Variants in CHRM5 observed in about 807,000 individuals in gnomAD.
CHRM5 encodes cholinergic receptor muscarinic 5, also known as muscarinic acetylcholine receptor M5.
In CHRM5, 18 loss-of-function variants were observed where a neutral mutation model predicts 39.0. The observed-to-expected ratio is 0.46, with a 90% CI of 0.32 to 0.68. CHRM5 has a LOEUF of 0.68. CHRM5 is among the 30% of genes least tolerant of loss of function. The pLI is 0.04. For synonymous variants in CHRM5, 241 were observed against 246.3 expected, an observed-to-expected ratio of 0.98 and a Z score of 0.20; for missense variants, 515 against 651.1, an observed-to-expected ratio of 0.79 and a Z score of 2.28.
rs1899699054 is a variant in CHRM5 at position 34,046,720 on chromosome 15, G to C, written c.-227G>C. 6.6e-6 allele frequency: 1 copy of C among 152,240 alleles called. No homozygotes were observed. Among genetic ancestry groups the C allele is most frequent in the African/African-American group, 2.4e-5 (1 of 41,462 alleles). 9.4% of individuals were successfully genotyped at this position (152,240 alleles called of 1,614,324 possible). On this transcript the variant is annotated 5_prime_UTR_variant, in exon 2 of 3. Coordinates refer to ENST00000383263, the MANE Select transcript of CHRM5 (RefSeq NM_012125.4). ...GGAATGAAAGGTGTGAGTGAATACAGCGCCTTCAACTGAAATATCCAGGTT... is the reference window on the plus strand; with the variant it reads ...GGAATGAAAGGTGTGAGTGAATACACCGCCTTCAACTGAAATATCCAGGTT...
intron 1 of CHRM5, among the ~76,000 whole-genome samples, chr15:33,970,642 TAATC>T (rs547592971): frequency 1.3e-3 from 204 of 152,038 alleles, no homozygotes; most frequent in African/African-American, 4.8e-3. Flanking sequence ...TGAAGAATAT[TAATC>T]AATATTTTAA....
chr15:34,010,629 TA>T (rs1168359743), intron 1 of CHRM5, among the ~76,000 whole-genome samples: 3 of 152,174 alleles, frequency 2.0e-5, no homozygotes, highest in African/African-American at 7.2e-5. Flanking sequence ...AAAGGTAAAT[TA>T]TATCATAGAG....
At chr15:34,049,075 T>C (rs1899833979) in intron 2 of CHRM5, among the ~76,000 whole-genome samples, 3 of 152,028 alleles carry the variant, frequency 2.0e-5, no homozygotes, top group South Asian at 4.2e-4. Context: ...AGCTCAAAGG[T>C]AGATAAGCCC....
At chr15:34,055,055 G>A (rs548483625) in intron 2 of CHRM5, among the ~76,000 whole-genome samples, 1 of 149,774 alleles carries the variant, frequency 6.7e-6, no homozygotes, top group African/African-American at 2.5e-5. Flanking sequence ...AGCTGGGCAT[G>A]GTGGCACATG....
chr15:34,007,658 C>G (rs1350425307), intron 1 of CHRM5, among the ~76,000 whole-genome samples: 1 of 152,142 alleles, frequency 6.6e-6, no homozygotes, highest in East Asian at 1.9e-4. Flanking sequence ...AGAGCAACAC[C>G]CCATTTCCTG....
intron 1 of CHRM5, among the ~76,000 whole-genome samples, chr15:34,013,418 A>G (rs1225390082): frequency 6.6e-6 from 1 of 152,228 alleles, no homozygotes; most frequent in Non-Finnish European, 1.5e-5. Flanking sequence ...CCTTCCCAGG[A>G]TAAACTTATT....
intron 1 of CHRM5, among the ~76,000 whole-genome samples, chr15:34,010,500 T>G (rs1357955562): frequency 1.3e-5 from 2 of 152,146 alleles, no homozygotes. Flanking sequence ...TTTTTGCAGG[T>G]CCCTGGTTCT....
At chr15:33,974,887 G>A (rs868377046) in intron 1 of CHRM5, among the ~76,000 whole-genome samples, 21 of 152,226 alleles carry the variant, frequency 1.4e-4, no homozygotes, top group East Asian at 5.8e-4. Flanking sequence ...CCGGAGAATC[G>A]CTTGAACCCA....
chr15:34,003,049 A>C, intron 1 of CHRM5: 1 of 1,613,826 alleles, frequency 6.2e-7, no homozygotes. Flanking sequence ...GCTAAGGAGG[A>C]CACTGAAATC....
chr15:33,993,747 TC>T (rs1896823540), intron 1 of CHRM5, among the ~76,000 whole-genome samples: 3 of 152,216 alleles, frequency 2.0e-5, no homozygotes, highest in Middle Eastern at 3.4e-3. Flanking sequence ...ACACCTCATC[TC>T]CCCACTAGAG....
At chr15:33,983,160 A>ATATGTG (rs1555512751) in intron 1 of CHRM5, among the ~76,000 whole-genome samples, 4 of 64,592 alleles carry the variant, frequency 6.2e-5, no homozygotes, top group South Asian at 7.4e-4. Flanking sequence ...GTGTGTGTGT[A>ATATGTG]TGTGTGTGTG....
chr15:33,975,669 C>T (rs534591204), intron 1 of CHRM5, among the ~76,000 whole-genome samples: 2 of 152,120 alleles, frequency 1.3e-5, no homozygotes, highest in African/African-American at 4.8e-5. Context: ...CGGTGGCTCA[C>T]GCCTGTAATC....
chr15:34,025,109 G>A (rs1898397166), intron 1 of CHRM5, among the ~76,000 whole-genome samples: 1 of 152,074 alleles, frequency 6.6e-6, no homozygotes. Flanking sequence ...GGCAGAGGAT[G>A]CAATAAGCAG....
At chr15:34,004,785 C>G (rs1202482967) in intron 1 of CHRM5, among the ~76,000 whole-genome samples, 2 of 151,980 alleles carry the variant, frequency 1.3e-5, no homozygotes, top group African/African-American at 4.8e-5. Context: ...TATTATTATT[C>G]TATCTACTTT....
chr15:33,972,079 T>G (rs950940395), intron 1 of CHRM5: 1 of 152,158 alleles, frequency 6.6e-6, no homozygotes, highest in Non-Finnish European at 1.5e-5. Context: ...ATGCTTTTAT[T>G]GCATTTGTCA....
At chr15:34,005,254 A>C (rs1897294325) in intron 1 of CHRM5, among the ~76,000 whole-genome samples, 1 of 152,124 alleles carries the variant, frequency 6.6e-6, no homozygotes, top group South Asian at 2.1e-4. Flanking sequence ...TCCGTAACCC[A>C]AAAAATGTCC....
intron 1 of CHRM5, among the ~76,000 whole-genome samples, chr15:33,996,030 C>G (rs34926360): frequency 6.6e-6 from 1 of 151,932 alleles, no homozygotes; most frequent in African/African-American, 2.4e-5. Flanking sequence ...GGAGTATATC[C>G]CACACATGGC....
intron 1 of CHRM5, among the ~76,000 whole-genome samples, chr15:33,989,089 G>A (rs1002337387): frequency 3.3e-5 from 5 of 151,682 alleles, no homozygotes; most frequent in African/African-American, 1.2e-4. Context: ...CATCTTTCAA[G>A]TTCCCTGTAT....
In CHRM5 at chr15:34,063,006, G is replaced by A. The variant is rs1188660374; in HGVS notation, c.289G>A (p.Ala97Thr). The change falls in exon 3 of 3, where the codon GCT (alanine) becomes ACT (threonine). Residue 97 changes from alanine to threonine, a missense_variant. By Grantham distance (58) the Ala-to-Thr change is moderately conservative (BLOSUM62 0). Coordinates refer to ENST00000383263, the MANE Select transcript of CHRM5 (RefSeq NM_012125.4). This position sits in a 1 kb window ranked among gnomAD's most constrained non-coding sequence, Gnocchi z 4.1. ...YTTYILMGRW[A>T]LGSLACDLWL... ...CACCTACATCCTCATGGGACGCTGG[G>A]CTCTCGGGAGTCTGGCTTGTGACCT... The A allele has an allele frequency of 3.1e-6, 5 of 1,614,072 alleles. No individual in the cohort carries two copies. The highest frequency in any genetic ancestry group is 3.4e-6 in the Non-Finnish European group (4 of 1,180,036).
Sources: allele counts gnomAD v4.1 joint callset (sites outside exome capture counted in the v4.1 genomes callset), GRCh38; gene constraint gnomAD v4.1.1; non-coding constraint Gnocchi (gnomAD v3.1); transcripts MANE v1.5; gene names NCBI Gene and HGNC (gene_info 2026-07-23, HGNC 2026-07-21).